BTN3A3: variants seen among roughly 807,000 people sequenced by gnomAD.
BTN3A3 encodes the protein butyrophilin subfamily 3 member A3.
In BTN3A3, 39 loss-of-function variants were observed where a neutral mutation model predicts 43.2. The ratio of observed to expected loss-of-function variants is 0.90; its 90% confidence interval spans 0.70 to 1.18. The LOEUF (loss-of-function observed/expected upper bound fraction) is 1.18, where lower values mean the gene tolerates loss of function less well. BTN3A3 is among the 50% of genes most tolerant of loss of function. BTN3A3 has a pLI of 0.00. For missense variants in BTN3A3, 631 were observed against 722.8 expected, an observed-to-expected ratio of 0.87 and a Z score of 1.46; for synonymous variants, 255 against 272.7, an observed-to-expected ratio of 0.93 and a Z score of 0.64.
At chr6:26,451,382 G>A (rs1202926118) in intron 10 of BTN3A3, among the ~76,000 whole-genome samples, 1 of 152,164 alleles carries the variant, frequency 6.6e-6, no homozygotes, top group East Asian at 1.9e-4. Flanking sequence ...AGGGGGCAGA[G>A]TCAATGTGGG....
Position 26,452,295 on chromosome 6 carries a change from C to G in BTN3A3, c.1639C>G (p.Pro547Ala). Reference sequence around the variant, plus strand: ...GGGCTTAGCTAATGAAAGTGGGGAGCCTCAGGCTGAAGTAACATCTCTGCT... The same window carrying G: ...GGGCTTAGCTAATGAAAGTGGGGAGGCTCAGGCTGAAGTAACATCTCTGCT... Reference protein sequence around the residue: ...TPGLANESGEPQAEVTSLLLP... With the variant: ...TPGLANESGEAQAEVTSLLLP... Residue 547 changes from proline to alanine, a missense_variant, in exon 11 of 11, where the codon CCT becomes GCT. Pro to Ala is a conservative substitution (Grantham distance 27). Coordinates refer to ENST00000244519, the MANE Select transcript of BTN3A3 (RefSeq NM_006994.5). 1 of 1,614,032 alleles carries G rather than the reference C, an allele frequency of 6.2e-7. No homozygotes were observed. Among genetic ancestry groups the G allele is most frequent in the Non-Finnish European group, 8.5e-7 (1 of 1,180,014 alleles).
In BTN3A3 at chr6:26,451,795, G is replaced by A. The variant is rs893247462; in HGVS notation, c.1139G>A (p.Trp380Ter). The change falls in exon 11 of 11, where the codon TGG (tryptophan) becomes TAG (stop). Residue 380 changes from tryptophan to a stop codon, truncating the protein, a stop_gained. Transcript: ENST00000244519. LOFTEE classifies it low-confidence loss of function (END_TRUNC). Reference sequence around the variant, plus strand: ...CCAGACAACCCTGAGAGATTTGAATGGCGTTACTGTGTCCTTGGCTGTGAA... The same window carrying A: ...CCAGACAACCCTGAGAGATTTGAATAGCGTTACTGTGTCCTTGGCTGTGAA... ...DLPDNPERFE[W>*]RYCVLGCENF... The A allele has an allele frequency of 1.9e-6, 3 of 1,613,944 alleles. No homozygotes were observed. Among genetic ancestry groups the A allele is most frequent in the African/African-American group, 2.7e-5 (2 of 74,924 alleles).
chr6:26,443,239 T>C (rs962368692), intron 1 of BTN3A3, 143 bp from the exon 2 acceptor site: 1 of 273,666 alleles, frequency 3.7e-6, no homozygotes, highest in Admixed American at 4.8e-5. Flanking sequence ...GTGAAGAGGG[T>C]CCTTCATGAA....
At chr6:26,449,529 G>A (rs1255113743) in intron 8 of BTN3A3, 133 bp from the exon 9 acceptor site, 3 of 899,124 alleles carry the variant, frequency 3.3e-6, no homozygotes, top group East Asian at 2.4e-5. Flanking sequence ...AGAGAATTGA[G>A]CTTGCAGAGT....
chr6:26,443,808 C>T (rs1281232039), intron 3 of BTN3A3, 149 bp downstream of exon 3: 3 of 1,490,930 alleles, frequency 2.0e-6, no homozygotes, highest in African/African-American at 2.8e-5. Flanking sequence ...TGAAGGACCA[C>T]CTGTCACAAA....
intron 10 of BTN3A3, chr6:26,450,348 C>T (rs1364042377): frequency 3.5e-6 from 2 of 564,496 alleles, no homozygotes; most frequent in Admixed American, 3.2e-5. Flanking sequence ...TCTTGGGCTT[C>T]CTCAGACCTT....
At chr6:26,448,062 C>T (rs1486988165) in intron 5 of BTN3A3, among the ~76,000 whole-genome samples, 186 bp from the exon 6 acceptor site, 1 of 152,126 alleles carries the variant, frequency 6.6e-6, no homozygotes, top group African/African-American at 2.4e-5. Context: ...ATAGTAGTAG[C>T]TTGTAGTGAG....
chr6:26,442,356 A>C (rs895808150), intron 1 of BTN3A3, among the ~76,000 whole-genome samples: 1 of 152,232 alleles, frequency 6.6e-6, no homozygotes, highest in African/African-American at 2.4e-5. Flanking sequence ...TTAAAAGTAA[A>C]GGGAGCAAAA....
At chr6:26,444,971 T>A (rs2113835765) in intron 4 of BTN3A3, 1 of 163,608 alleles carries the variant, frequency 6.1e-6, no homozygotes, top group South Asian at 1.5e-4. Flanking sequence ...ATCAAGCTTA[T>A]CTAGGAGGAA....
chr6:26,442,308 A>G (rs1762657308), intron 1 of BTN3A3, among the ~76,000 whole-genome samples: 1 of 152,244 alleles, frequency 6.6e-6, no homozygotes, highest in East Asian at 1.9e-4. Flanking sequence ...CTGTTAAGTA[A>G]TACATGAAAA....
At chr6:26,447,979 A>G (rs938363117) in intron 5 of BTN3A3, among the ~76,000 whole-genome samples, 3 of 152,216 alleles carry the variant, frequency 2.0e-5, no homozygotes, top group African/African-American at 7.2e-5. Context: ...GGTTGAAAAA[A>G]TATTTAGAAA....
intron 4 of BTN3A3, 39 bp downstream of exon 4, chr6:26,444,343 A>G (rs138400675): frequency 3.1e-6 from 5 of 1,612,004 alleles, no homozygotes; most frequent in South Asian, 1.1e-5. Flanking sequence ...ACTTCTCTGT[A>G]GGATCTAGAG....
In BTN3A3 at chr6:26,444,204, C is replaced by G; in HGVS notation, c.333C>G (p.Leu111=). The G allele has an allele frequency of 6.2e-7, 1 of 1,612,036 alleles. No homozygotes were observed. ...RDGITAGKAA[L]RIHNVTASDS... ...GCATCACTGCAGGGAAGGCTGCTCTCCGAATACACAACGTCACAGCCTCTG... is the reference window on the plus strand; with the variant it reads ...GCATCACTGCAGGGAAGGCTGCTCTGCGAATACACAACGTCACAGCCTCTG... Residue 111 remains leucine (L), a synonymous_variant, in exon 4 of 11, where the codon CTC becomes CTG. Coordinates refer to ENST00000244519, the MANE Select transcript of BTN3A3 (RefSeq NM_006994.5).
At chr6:26,443,493 A>T in intron 2 of BTN3A3, 51 bp downstream of exon 2, 1 of 1,601,982 alleles carries the variant, frequency 6.2e-7, no homozygotes, top group Non-Finnish European at 8.5e-7. Flanking sequence ...GGAAGTGGAC[A>T]TTTCCATGCA....
In BTN3A3 at chr6:26,452,301, G is replaced by T. The variant is rs369331349; in HGVS notation, c.1645G>T (p.Ala549Ser). Residue 549 changes from alanine to serine, a missense_variant, in exon 11 of 11, where the codon GCT becomes TCT. Ala to Ser is a moderately conservative substitution (Grantham distance 99, BLOSUM62 1). Coordinates refer to ENST00000244519, the MANE Select transcript of BTN3A3 (RefSeq NM_006994.5). ...GLANESGEPQ[A>S]EVTSLLLPAH... is the part of the protein sequence containing the mutation. ...AGCTAATGAAAGTGGGGAGCCTCAG[G>T]CTGAAGTAACATCTCTGCTTCTCCC... The T allele has an allele frequency of 1.9e-6, 3 of 1,613,972 alleles. No individual in the cohort carries two copies. Among genetic ancestry groups the T allele is most frequent in the Non-Finnish European group, 2.5e-6 (3 of 1,180,040 alleles).
intron 1 of BTN3A3, among the ~76,000 whole-genome samples, chr6:26,442,615 C>T (rs566876303): frequency 2.0e-5 from 3 of 152,246 alleles, no homozygotes; most frequent in South Asian, 2.1e-4. Flanking sequence ...AGGGATGAGC[C>T]GTAGTTCCTC....
At position 26,451,707 on chromosome 6, in the gene BTN3A3, G is replaced by C. The variant is rs574858167; in HGVS notation, c.1051G>C (p.Ala351Pro). 2 of 1,613,808 alleles carry C rather than the reference G, an allele frequency of 1.2e-6. No homozygotes were observed. Among genetic ancestry groups the C allele is most frequent in the South Asian group, 1.1e-5 (1 of 91,070 alleles). Residue 351 changes from alanine to proline, a missense_variant, in exon 11 of 11, where the codon GCC (alanine) becomes CCC (proline). Around this residue, in one of 2 missense-constraint regions of BTN3A3, gnomAD observed 551 missense variants for 584.0 expected, o/e 0.94. Coordinates refer to ENST00000244519, the MANE Select transcript of BTN3A3 (RefSeq NM_006994.5). ...DVILDPDTAN[A>P]ILLVSEDQRS... The stretch of plus-strand genomic sequence containing the variant: ...GATTCTGGATCCAGACACGGCAAAC[G>C]CCATCCTCCTTGTTTCTGAGGACCA...
intron 5 of BTN3A3, 110 bp from the exon 6 acceptor site, chr6:26,448,138 G>A: frequency 7.9e-7 from 1 of 1,267,006 alleles, no homozygotes; most frequent in Non-Finnish European, 1.1e-6. Flanking sequence ...TTAACCTCAT[G>A]AGATGGATTC....
intron 10 of BTN3A3, among the ~76,000 whole-genome samples, chr6:26,450,728 G>C (rs1762908020): frequency 6.6e-6 from 1 of 152,278 alleles, no homozygotes. Flanking sequence ...ATAAGGAAAA[G>C]TGCAGTGCCC....
Sources: allele counts gnomAD v4.1 joint callset (sites outside exome capture counted in the v4.1 genomes callset), GRCh38; gene constraint gnomAD v4.1.1; regional missense constraint gnomAD v4.1.1; transcripts MANE v1.5; gene names NCBI Gene and HGNC (gene_info 2026-07-23, HGNC 2026-07-21).